ADAMTS19: variants seen among roughly 807,000 people sequenced by gnomAD.
The protein encoded by ADAMTS19 is ADAM metallopeptidase with thrombospondin type 1 motif 19.
ADAMTS19 carries 93 observed loss-of-function variants against 153.3 expected under a neutral mutation model. The ratio of observed to expected loss-of-function variants is 0.61; its 90% CI spans 0.51 to 0.72. ADAMTS19 has a LOEUF of 0.72. ADAMTS19 is among the 30% of genes least tolerant of loss of function. The pLI is 0.00. For synonymous variants in ADAMTS19, 600 were observed against 556.6 expected, an observed-to-expected ratio of 1.08 and a Z score of -1.10; for missense variants, 1,482 against 1,552.1, an observed-to-expected ratio of 0.95 and a Z score of 0.76.
In ADAMTS19 at chr5:129,702,941, A is replaced by AAAAT; in HGVS notation, c.3160-1297_3160-1296insAATA. ...TAGTTTGACTTGCCAAAAAAAAAAA[A>AAAAT]ATATATATATATATATATATATATA... On this transcript the variant is annotated intron_variant, in intron 20 of 22. Transcript: ENST00000274487. 1.6e-3 allele frequency among the ~76,000 whole-genome samples: 48 copies of AAAAT among 29,286 alleles called. 2 individuals are homozygous for AAAAT. Among genetic ancestry groups the AAAAT allele is most frequent in the African/African-American group, 3.6e-3 (42 of 11,714 alleles). 19.2% of individuals were successfully genotyped at this position (29,286 alleles called of 152,430 possible). A position where few individuals can be genotyped will look rare whatever the true frequency, so the allele number is the denominator to read the frequency against.
intron 21 of ADAMTS19, among the ~76,000 whole-genome samples, chr5:129,712,914 T>C (rs1361960157): frequency 1.3e-5 from 2 of 152,200 alleles, no homozygotes; most frequent in African/African-American, 4.8e-5. Flanking sequence ...TTTAATGCCA[T>C]TTATTTTGGA....
chr5:129,663,239 A>G (rs1753895971), intron 15 of ADAMTS19, among the ~76,000 whole-genome samples: 1 of 152,064 alleles, frequency 6.6e-6, no homozygotes, highest in Non-Finnish European at 1.5e-5. Context: ...CTCTTTGTTA[A>G]AAACTATGAC....
chr5:129,657,047 C>A (rs1753577768), intron 14 of ADAMTS19, among the ~76,000 whole-genome samples: 2 of 152,348 alleles, frequency 1.3e-5, no homozygotes, highest in South Asian at 4.1e-4. Flanking sequence ...GTTCTCTTCA[C>A]ATACTTGGTT....
At chr5:129,669,903 C>G (rs187912661) in intron 16 of ADAMTS19, among the ~76,000 whole-genome samples, 45 of 152,012 alleles carry the variant, frequency 3.0e-4, no homozygotes, top group Admixed American at 2.3e-3. Flanking sequence ...TGATTTCTAA[C>G]CTCATCCCTT....
intron 8 of ADAMTS19, among the ~76,000 whole-genome samples, chr5:129,608,090 A>ATGTGTGTGTGTGTGTG (rs747075161): frequency 8.6e-5 from 9 of 104,542 alleles, no homozygotes; most frequent in African/African-American, 3.5e-4. Flanking sequence ...TTTTATATAT[A>ATGTGTGTGTGTGTGTG]TGTGTGTGTG....
At chr5:129,651,477 A>G (rs746145618) in intron 13 of ADAMTS19, among the ~76,000 whole-genome samples, 2 of 152,074 alleles carry the variant, frequency 1.3e-5, no homozygotes, top group Admixed American at 6.6e-5. Context: ...ATTCTCTTTT[A>G]TAGAATCCTA....
At chr5:129,662,366 G>A (rs908640410) in intron 15 of ADAMTS19, among the ~76,000 whole-genome samples, 4 of 152,124 alleles carry the variant, frequency 2.6e-5, no homozygotes, top group Admixed American at 2.6e-4. Flanking sequence ...ACTGCTAATT[G>A]TGCCAAATGG....
At chr5:129,728,123 A>G (rs1462520546) in intron 21 of ADAMTS19, among the ~76,000 whole-genome samples, 1 of 152,190 alleles carries the variant, frequency 6.6e-6, no homozygotes, top group African/African-American at 2.4e-5. Flanking sequence ...ATGCTAAAAG[A>G]CACTCCCACC....
At chr5:129,647,645 T>C (rs1362790425) in intron 11 of ADAMTS19, 120 bp from the exon 12 acceptor site, 2 of 1,200,240 alleles carry the variant, frequency 1.7e-6, no homozygotes, top group Non-Finnish European at 2.3e-6. Flanking sequence ...CTTTCCTAAT[T>C]CCCCATGTTT....
chr5:129,724,401 G>C (rs1278932318), intron 21 of ADAMTS19, among the ~76,000 whole-genome samples: 2 of 152,132 alleles, frequency 1.3e-5, no homozygotes, highest in African/African-American at 4.8e-5. Flanking sequence ...GTATAATCAG[G>C]TGTGTTCTAT....
Position 129,534,822 on chromosome 5 carries a change from C to A in ADAMTS19, c.1328+6145C>A, listed in dbSNP as rs556379976. On this transcript the variant is annotated intron_variant, in intron 6 of 22. Transcript: ENST00000274487. ...ATATAAACAGAACCAAAGACAAAAA[C>A]CACATGATTATCTCAATAGATGCAG... 4.8e-3 allele frequency among the ~76,000 whole-genome samples: 738 copies of A among 152,230 alleles called. 4 individuals carry two copies. Among genetic ancestry groups the A allele is most frequent in the Non-Finnish European group, 6.8e-3 (461 of 68,018 alleles).
rs981810599 is a variant in ADAMTS19 at position 129,590,080 on chromosome 5, T to A, written c.1373-6479T>A. ...TCTTAAAGTTATTTTCAAATATGCT[T>A]GATGGTAGTTAACAACAGCATTTTC... On this transcript the variant is annotated intron_variant, in intron 7 of 22. Coordinates refer to ENST00000274487, the MANE Select transcript of ADAMTS19 (RefSeq NM_133638.6). Among the ~76,000 whole-genome samples the A allele has an allele frequency of 4.6e-5, 7 of 152,292 alleles. No individual in the cohort carries two copies. The Middle Eastern group carries it at 0.024, about 518-fold the overall frequency.
intron 10 of ADAMTS19, among the ~76,000 whole-genome samples, chr5:129,637,026 A>AT (rs534535832): frequency 1.3e-3 from 198 of 149,758 alleles, no homozygotes; most frequent in Middle Eastern, 0.01. Flanking sequence ...AGATTGACAG[A>AT]TTTTTTTTTC....
At chr5:129,560,168 C>T (rs962917128) in intron 7 of ADAMTS19, among the ~76,000 whole-genome samples, 8 of 152,096 alleles carry the variant, frequency 5.3e-5, no homozygotes, top group African/African-American at 1.9e-4. Flanking sequence ...GTTGACCTGT[C>T]CTTTGGCATC....
chr5:129,547,862 A>G (rs1470376869), intron 6 of ADAMTS19, among the ~76,000 whole-genome samples: 2 of 150,832 alleles, frequency 1.3e-5, no homozygotes, highest in South Asian at 2.1e-4. Context: ...GCCCTCAGAA[A>G]TAATGCCACA....
intron 7 of ADAMTS19, among the ~76,000 whole-genome samples, chr5:129,592,955 T>G (rs1449807436): frequency 6.6e-6 from 1 of 152,226 alleles, no homozygotes; most frequent in Non-Finnish European, 1.5e-5. Flanking sequence ...TTATATTTTA[T>G]ATACATTTAC....
rs556832120 is a variant in ADAMTS19, at chr5:129,530,407, T to C, written c.1328+1730T>C. On this transcript the variant is annotated intron_variant, in intron 6 of 22. Coordinates refer to ENST00000274487, the MANE Select transcript of ADAMTS19 (RefSeq NM_133638.6). ...AACAAATATGGACCTAGGCACATCA[T>C]AGGAAAATTGCTGAAAACCAAAGAA... 2.9e-4 allele frequency among the ~76,000 whole-genome samples: 44 copies of C among 152,236 alleles called. 1 individual carries two copies. The highest frequency in any genetic ancestry group is 6.8e-3 in the Middle Eastern group (2 of 292).
intron 6 of ADAMTS19, among the ~76,000 whole-genome samples, chr5:129,547,132 G>A (rs10044998): frequency 0.013 from 1,957 of 150,804 alleles, 24 homozygotes; most frequent in Middle Eastern, 0.1. Flanking sequence ...TTGAGGGGGC[G>A]AGATTATCCT....
chr5:129,598,029 T>G (rs1288912637), intron 8 of ADAMTS19, among the ~76,000 whole-genome samples: 1 of 152,190 alleles, frequency 6.6e-6, no homozygotes. Flanking sequence ...TTAATTGGAC[T>G]CAGATTTAGT....
Sources: allele counts gnomAD v4.1 joint callset (sites outside exome capture counted in the v4.1 genomes callset), GRCh38; gene constraint gnomAD v4.1.1; transcripts MANE v1.5; gene names NCBI Gene and HGNC (gene_info 2026-07-23, HGNC 2026-07-21).